Variants in TNKS observed in about 807,000 individuals in gnomAD.
TNKS encodes the protein tankyrase.
Under a neutral mutation model 135.8 loss-of-function variants are expected in TNKS, and 72 were observed. That is an observed-to-expected ratio of 0.53 (90% CI 0.44 to 0.64). The LOEUF (loss-of-function observed/expected upper bound fraction) is 0.64. Among genes scored for constraint, TNKS ranks in the 30% least tolerant of loss-of-function variants. The pLI is 0.00. For missense variants in TNKS, 1,769 were observed against 1,674.0 expected (o/e 1.06, Z -0.99); for synonymous variants, 849 against 649.3 (o/e 1.31, Z -4.68).
chr8:9,609,143 C>G (rs1421355261), intron 2 of TNKS, among the ~76,000 whole-genome samples: 1 of 151,926 alleles, frequency 6.6e-6, no homozygotes, highest in African/African-American at 2.4e-5. Flanking sequence ...AAGCATGGTT[C>G]TTTTTGTAAT....
At chr8:9,648,507 G>A (rs544562147) in intron 3 of TNKS, among the ~76,000 whole-genome samples, 11 of 152,096 alleles carry the variant, frequency 7.2e-5, no homozygotes, top group African/African-American at 9.7e-5. Context: ...TCCCCATGCC[G>A]TCCCACTGAA....
intron 6 of TNKS, among the ~76,000 whole-genome samples, 157 bp downstream of exon 6, chr8:9,704,914 C>A (rs1415466903): frequency 1.3e-5 from 2 of 152,088 alleles, no homozygotes; most frequent in African/African-American, 2.4e-5. Context: ...TTTTCATGTA[C>A]CTACTTAATT....
intron 3 of TNKS, among the ~76,000 whole-genome samples, chr8:9,650,078 G>C (rs1406695341): frequency 1.3e-5 from 2 of 151,658 alleles, no homozygotes; most frequent in Non-Finnish European, 2.9e-5. Context: ...TTTTGGTAGA[G>C]ACAGGGTTTC....
At chr8:9,616,390 G>T (rs1005462465) in intron 3 of TNKS, among the ~76,000 whole-genome samples, 1 of 152,038 alleles carries the variant, frequency 6.6e-6, no homozygotes, top group African/African-American at 2.4e-5. Context: ...TTTATTCTTA[G>T]CATCTGAGTC....
chr8:9,629,527 T>G (rs533657750), intron 3 of TNKS, among the ~76,000 whole-genome samples: 5 of 152,374 alleles, frequency 3.3e-5, no homozygotes, highest in African/African-American at 9.6e-5. Context: ...GCTCCTGTAT[T>G]CCAGCCATAG....
chr8:9,603,974 G>A (rs576105248), intron 2 of TNKS, among the ~76,000 whole-genome samples: 1 of 151,920 alleles, frequency 6.6e-6, no homozygotes, highest in Admixed American at 6.5e-5. Flanking sequence ...AAACAAAGAT[G>A]TTAATAATTG....
intron 2 of TNKS, among the ~76,000 whole-genome samples, chr8:9,613,223 A>T (rs1799526410): frequency 6.6e-6 from 1 of 152,072 alleles, no homozygotes; most frequent in South Asian, 2.1e-4. Flanking sequence ...GAGTTAGCTG[A>T]CCCCTGCCCT....
chr8:9,743,768 A>T (rs1806092521), intron 17 of TNKS, among the ~76,000 whole-genome samples: 1 of 152,162 alleles, frequency 6.6e-6, no homozygotes, highest in African/African-American at 2.4e-5. Flanking sequence ...GATATTAAAA[A>T]TTAGTAAATT....
chr8:9,601,525 T>C (rs534633970), intron 2 of TNKS, among the ~76,000 whole-genome samples: 6 of 152,304 alleles, frequency 3.9e-5, no homozygotes, highest in Admixed American at 3.3e-4. Context: ...GGAACTAAGA[T>C]TGAGATAATA....
chr8:9,666,469 C>G (rs1801993261), intron 3 of TNKS, among the ~76,000 whole-genome samples: 1 of 152,080 alleles, frequency 6.6e-6, no homozygotes, highest in Non-Finnish European at 1.5e-5. Flanking sequence ...CCTGTAATCC[C>G]CGCACTTTGG....
At chr8:9,577,743 G>A (rs185805047) in intron 1 of TNKS, among the ~76,000 whole-genome samples, 19 of 152,148 alleles carry the variant, frequency 1.2e-4, no homozygotes, top group African/African-American at 3.9e-4. Context: ...TTGGTCCCTG[G>A]CTCCTCCCAA....
Position 9,770,182 on chromosome 8 carries a change from C to T in TNKS, c.3817C>T (p.Pro1273Ser). Residue 1273 changes from proline (P) to serine (S), a missense_variant, in exon 26 of 27, where the codon CCA becomes TCA. Pro to Ser is a moderately conservative substitution (Grantham distance 74). Around this residue, in one of 5 missense-constraint regions of TNKS, gnomAD observed 722 missense variants for 688.9 expected, o/e 1.05. Coordinates refer to ENST00000310430, the MANE Select transcript of TNKS (RefSeq NM_003747.3). Reference protein sequence around the residue: ...FSTMKMAHAPPGHHSVIGRPS... With the variant: ...FSTMKMAHAPSGHHSVIGRPS... ...CACCATGAAAATGGCCCACGCGCCT[C>T]CAGGGCACCACTCAGTCATTGGTAG... 1 of 1,613,450 alleles carries T rather than the reference C, an allele frequency of 6.2e-7. No individual in the cohort carries two copies. The highest frequency in any genetic ancestry group is 8.5e-7 in the Non-Finnish European group (1 of 1,179,950).
At position 9,735,071 on chromosome 8, in the gene TNKS, T is replaced by A; in HGVS notation, c.2520T>A (p.Pro840=). Residue 840 remains proline, a synonymous_variant, in exon 16 of 27, where the codon CCT becomes CCA. Transcript: ENST00000310430. The part of the protein sequence containing the change: ...CRDTQGRNST[P]LHLAAGYNNL... ...ACACCCAGGGCAGAAATTCAACCCC[T>A]CTGCACCTGGCAGGTAAGCGCCCCC... The A allele has an allele frequency of 1.9e-6, 3 of 1,613,782 alleles. No homozygotes were observed. Among genetic ancestry groups the A allele is most frequent in the Non-Finnish European group, 2.5e-6 (3 of 1,179,880 alleles).
intron 7 of TNKS, 58 bp from the exon 8 acceptor site, chr8:9,706,753 G>C: frequency 2.0e-6 from 3 of 1,494,698 alleles, no homozygotes; most frequent in Non-Finnish European, 1.8e-6. Flanking sequence ...TGTCTTTTGA[G>C]TTTTATTTGA....
At chr8:9,696,040 A>G (rs1373859364) in intron 5 of TNKS, among the ~76,000 whole-genome samples, 2 of 152,202 alleles carry the variant, frequency 1.3e-5, no homozygotes, top group African/African-American at 4.8e-5. Flanking sequence ...ACTATATGTC[A>G]TTTACTCCAT....
At chr8:9,564,912 G>A (rs1254887381) in intron 1 of TNKS, among the ~76,000 whole-genome samples, 1 of 151,992 alleles carries the variant, frequency 6.6e-6, no homozygotes, top group Non-Finnish European at 1.5e-5. Context: ...GTTTCTTGGT[G>A]AATAAAAAGC....
chr8:9,612,621 T>C (rs1799502981), intron 2 of TNKS, among the ~76,000 whole-genome samples: 1 of 152,166 alleles, frequency 6.6e-6, no homozygotes, highest in Non-Finnish European at 1.5e-5. Context: ...TTCAAAGTCC[T>C]TAAGTAAGAT....
At chr8:9,595,672 G>A (rs1403835325) in intron 2 of TNKS, among the ~76,000 whole-genome samples, 1 of 151,872 alleles carries the variant, frequency 6.6e-6, no homozygotes, top group African/African-American at 2.4e-5. Context: ...GCTTAAATTA[G>A]GTGGAAAAAG....
chr8:9,689,879 G>C (rs554637736), intron 5 of TNKS, among the ~76,000 whole-genome samples: 1 of 152,184 alleles, frequency 6.6e-6, no homozygotes, highest in Non-Finnish European at 1.5e-5. Context: ...ATGCCGATCA[G>C]TGCAAGTGGT....
Sources: allele counts gnomAD v4.1 joint callset (sites outside exome capture counted in the v4.1 genomes callset), GRCh38; gene constraint gnomAD v4.1.1; regional missense constraint gnomAD v4.1.1; transcripts MANE v1.5; gene names NCBI Gene and HGNC (gene_info 2026-07-23, HGNC 2026-07-21).